STXBP6: variants seen among roughly 807,000 people sequenced by gnomAD.
The protein encoded by STXBP6 is syntaxin binding protein 6, also known as syntaxin-binding protein 6.
A neutral mutation model predicts 26.9 loss-of-function variants in STXBP6; 21 were observed. The ratio of observed to expected loss-of-function variants is 0.78; its 90% CI spans 0.55 to 1.12. STXBP6 has a LOEUF of 1.12. Ranked by LOEUF, STXBP6 falls within the 50% of genes most tolerant of loss-of-function variation. STXBP6 has a pLI of 0.00. For synonymous variants in STXBP6, 97 were observed against 92.6 expected (o/e 1.05, Z -0.27); for missense variants, 232 against 257.9 (o/e 0.90, Z 0.69).
chr14:25,029,662 T>C (rs2075415527), intron 1 of STXBP6, among the ~76,000 whole-genome samples: 3 of 152,162 alleles, frequency 2.0e-5, no homozygotes, highest in Non-Finnish European at 2.9e-5. Flanking sequence ...TAATGCTTCA[T>C]GTGAAAAATT....
At chr14:24,826,645 G>C (rs1218947051) in intron 4 of STXBP6, among the ~76,000 whole-genome samples, 1 of 152,036 alleles carries the variant, frequency 6.6e-6, no homozygotes, top group Admixed American at 6.6e-5. Context: ...GTTTCCTCCA[G>C]TTGGCCATGG....
chr14:25,049,865 G>A lies in STXBP6; in HGVS notation c.-33+13C>T, dbSNP rs1031606466. On this transcript the variant is annotated intron_variant, in intron 1 of 5. Transcript: ENST00000323944. This position sits in a 1 kb window ranked among gnomAD's most constrained non-coding sequence, Gnocchi z 5.6. The stretch of plus-strand genomic sequence containing the variant: ...CCGCCCTGACCGCCTGGCTCCCCTC[G>A]CCCCGGTCCTACCGTGCAGCCTGGC... 65 of 985,240 alleles carry A rather than the reference G, an allele frequency of 6.6e-5. No individual in the cohort carries two copies. The highest frequency in any genetic ancestry group is 7.2e-5 in the Non-Finnish European group (60 of 830,006). The allele number at this position is 985,240 out of a possible 1,614,324, so 61.0% of individuals were successfully genotyped here.
intron 2 of STXBP6, among the ~76,000 whole-genome samples, chr14:24,897,107 T>TG (rs1438741633): frequency 1.3e-5 from 2 of 152,120 alleles, no homozygotes; most frequent in Non-Finnish European, 2.9e-5. Flanking sequence ...CAAAAAGTGA[T>TG]GGAAACCAAA....
rs537231649 is a variant in STXBP6, at chr14:24,904,831, G to T, written c.155-47674C>A. 1.5e-4 allele frequency among the ~76,000 whole-genome samples: 23 copies of T among 152,300 alleles called. No individual in the cohort carries two copies. In the South Asian group the frequency reaches 4.8e-3, roughly 32 times the overall value. On this transcript the variant is annotated intron_variant, in intron 2 of 5. Coordinates refer to ENST00000323944, the MANE Select transcript of STXBP6 (RefSeq NM_001394410.1). ...TGTTGTTTAAGCCATCCAATCTGTG[G>T]TATTCTGGATATGGCAGCCGTAGCA...
intron 2 of STXBP6, among the ~76,000 whole-genome samples, chr14:24,881,761 T>G (rs1030759393): frequency 3.9e-5 from 6 of 152,194 alleles, no homozygotes; most frequent in Non-Finnish European, 7.3e-5. Context: ...AGAGTAGGCC[T>G]AGCTCCAGTC....
intron 1 of STXBP6, among the ~76,000 whole-genome samples, chr14:25,001,801 G>A (rs1195148287): frequency 1.3e-5 from 2 of 152,206 alleles, no homozygotes; most frequent in African/African-American, 4.8e-5. Flanking sequence ...CATGGGACAT[G>A]TTTACAGGAA....
At chr14:24,921,415 A>G (rs1417299627) in intron 2 of STXBP6, among the ~76,000 whole-genome samples, 4 of 152,260 alleles carry the variant, frequency 2.6e-5, no homozygotes, top group Non-Finnish European at 5.9e-5. Flanking sequence ...CAATTTTACT[A>G]AAACTTTCCA....
chr14:24,964,439 G>A (rs1463610621), intron 2 of STXBP6, among the ~76,000 whole-genome samples: 1 of 152,150 alleles, frequency 6.6e-6, no homozygotes, highest in African/African-American at 2.4e-5. Context: ...GGTTTAGCAT[G>A]ACTGGAACTG....
At position 25,049,903 on chromosome 14, in the gene STXBP6, C is replaced by G. The variant is rs1045802387; in HGVS notation, c.-58G>C. On this transcript the variant is annotated 5_prime_UTR_variant, in exon 1 of 6. Coordinates refer to ENST00000323944, the MANE Select transcript of STXBP6 (RefSeq NM_001394410.1). The surrounding 1 kb of genome is among the most constrained non-coding windows in gnomAD (Gnocchi z 5.6). Reference sequence around the variant, plus strand: ...CGTGCAGCCTGGCTCGCGCCCCTGCCGTGCCAGTGCGCGGCACGCGTCCCA... The same window carrying G: ...CGTGCAGCCTGGCTCGCGCCCCTGCGGTGCCAGTGCGCGGCACGCGTCCCA... 1 of 983,084 alleles carries G rather than the reference C, an allele frequency of 1.0e-6. No homozygotes were observed. The highest frequency in any genetic ancestry group is 1.2e-6 in the Non-Finnish European group (1 of 827,946). 60.9% of individuals were successfully genotyped at this position (983,084 alleles called of 1,614,324 possible). A position where few individuals can be genotyped will look rare whatever the true frequency, so the allele number is the denominator to read the frequency against.
At chr14:24,992,403 G>GA (rs537174672) in intron 1 of STXBP6, among the ~76,000 whole-genome samples, 2 of 151,326 alleles carry the variant, frequency 1.3e-5, no homozygotes, top group South Asian at 4.2e-4. Flanking sequence ...CAAATTTGAA[G>GA]AAAAAATAAG....
chr14:24,930,889 A>G (rs34298539), intron 2 of STXBP6, among the ~76,000 whole-genome samples: 35,071 of 148,934 alleles, frequency 0.24, 4,308 homozygotes, highest in African/African-American at 0.31. Context: ...AGGCGGGTGG[A>G]TCATGAGGTC....
intron 1 of STXBP6, among the ~76,000 whole-genome samples, chr14:25,046,892 C>A (rs545648632): frequency 6.6e-6 from 1 of 152,220 alleles, no homozygotes; most frequent in Non-Finnish European, 1.5e-5. Flanking sequence ...GCCTTCTACC[C>A]TCTTAGAGAC....
chr14:25,024,302 C>CT (rs1672066130), intron 1 of STXBP6, among the ~76,000 whole-genome samples: 1 of 148,572 alleles, frequency 6.7e-6, no homozygotes, highest in Non-Finnish European at 1.5e-5. Context: ...GAGTGAGACT[C>CT]TGACTCAAAA....
intron 4 of STXBP6, among the ~76,000 whole-genome samples, chr14:24,837,969 T>C (rs1277007632): frequency 6.6e-6 from 1 of 152,218 alleles, no homozygotes. Context: ...CTTTCCTTCT[T>C]ATTAAATTCT....
intron 1 of STXBP6, among the ~76,000 whole-genome samples, chr14:25,002,312 TA>T: frequency 6.6e-6 from 1 of 151,828 alleles, no homozygotes; most frequent in East Asian, 1.9e-4. Flanking sequence ...AACAATTTTT[TA>T]AAGTTAATTT....
intron 2 of STXBP6, among the ~76,000 whole-genome samples, chr14:24,968,190 T>A (rs998801544): frequency 6.8e-5 from 10 of 147,432 alleles, no homozygotes; most frequent in South Asian, 2.1e-4. Context: ...TATATATATA[T>A]AAAATTATTG....
At chr14:24,830,446 G>A (rs1438942690) in intron 4 of STXBP6, among the ~76,000 whole-genome samples, 1 of 152,160 alleles carries the variant, frequency 6.6e-6, no homozygotes, top group Admixed American at 6.5e-5. Context: ...GACTGAATAT[G>A]AGAGGTGAGG....
chr14:24,868,656 T>G (rs1336193814), intron 2 of STXBP6, among the ~76,000 whole-genome samples: 1 of 152,176 alleles, frequency 6.6e-6, no homozygotes, highest in Non-Finnish European at 1.5e-5. Flanking sequence ...ACCTGCATTT[T>G]AAAAAGTGTT....
intron 2 of STXBP6, among the ~76,000 whole-genome samples, chr14:24,886,797 T>C (rs1261885619): frequency 6.6e-6 from 1 of 152,162 alleles, no homozygotes; most frequent in Non-Finnish European, 1.5e-5. Flanking sequence ...AATAAAGCAA[T>C]TGAGAAGGAC....
Sources: gnomAD v4.1 joint callset for allele counts (sites outside exome capture counted in the v4.1 genomes callset) on GRCh38, gnomAD v4.1.1 for gene constraint, Gnocchi (gnomAD v3.1) non-coding constraint, MANE v1.5 for transcripts, NCBI Gene and HGNC (gene_info 2026-07-23, HGNC 2026-07-21) for gene names.